The following KCNIP4 variants were observed in gnomAD, a reference collection of about 807,000 sequenced individuals.
KCNIP4 encodes the protein Kv channel-interacting protein 4.
KCNIP4 carries 12 observed loss-of-function variants against 34.0 expected under a neutral mutation model. The observed-to-expected ratio is 0.35, with a 90% confidence interval of 0.23 to 0.57. The LOEUF (loss-of-function observed/expected upper bound fraction) is 0.57. Ranked by LOEUF, KCNIP4 falls within the 20% of genes least tolerant of loss-of-function variation. KCNIP4 has a pLI of 0.83. For synonymous variants in KCNIP4, 124 were observed against 102.2 expected (o/e 1.21, Z -1.29); for missense variants, 238 against 311.7 (o/e 0.76, Z 1.78).
chr4:21,195,024 G>T (rs1438603749), intron 1 of KCNIP4, among the ~76,000 whole-genome samples: 1 of 152,164 alleles, frequency 6.6e-6, no homozygotes, highest in Admixed American at 6.5e-5. Context: ...CTCAAGTGTG[G>T]CTTCTCAAAG....
At chr4:21,322,649 A>T (rs925086167) in intron 1 of KCNIP4, among the ~76,000 whole-genome samples, 1 of 152,046 alleles carries the variant, frequency 6.6e-6, no homozygotes, top group Non-Finnish European at 1.5e-5. Flanking sequence ...ATAAATGGTG[A>T]CATGGTGAAA....
intron 1 of KCNIP4, among the ~76,000 whole-genome samples, chr4:21,505,664 G>C (rs894412227): frequency 6.6e-6 from 1 of 152,064 alleles, no homozygotes; most frequent in South Asian, 2.1e-4. Flanking sequence ...CTGACTTTCA[G>C]CACTCAAAAG....
At chr4:21,368,658 T>C (rs1720039045) in intron 1 of KCNIP4, among the ~76,000 whole-genome samples, 1 of 147,582 alleles carries the variant, frequency 6.8e-6, no homozygotes, top group East Asian at 2.0e-4. Context: ...AAGTTACTTA[T>C]CGTACCATAC....
At chr4:21,757,263 A>T (rs1436981220) in intron 1 of KCNIP4, among the ~76,000 whole-genome samples, 1 of 30,296 alleles carries the variant, frequency 3.3e-5, no homozygotes, top group South Asian at 4.6e-4. Context: ...AAAAGAAAAG[A>T]AAAGAAAAGA....
chr4:21,793,634 C>A (rs573250537), intron 1 of KCNIP4, among the ~76,000 whole-genome samples: 1 of 152,054 alleles, frequency 6.6e-6, no homozygotes, highest in Non-Finnish European at 1.5e-5. Context: ...AGACAGAGTT[C>A]AGAAAAGAAA....
chr4:21,907,258 C>T (rs574116293), intron 1 of KCNIP4, among the ~76,000 whole-genome samples: 5 of 152,044 alleles, frequency 3.3e-5, no homozygotes, highest in African/African-American at 4.8e-5. Context: ...GGACTAACTC[C>T]GTTACTGAAA....
intron 1 of KCNIP4, among the ~76,000 whole-genome samples, chr4:21,148,748 G>A (rs1577786846): frequency 6.7e-6 from 1 of 150,230 alleles, no homozygotes; most frequent in Admixed American, 6.6e-5. Context: ...ACAAATCACA[G>A]CAAATAACAA....
At chr4:20,936,917 T>G (rs1731128929) in intron 1 of KCNIP4, among the ~76,000 whole-genome samples, 1 of 152,170 alleles carries the variant, frequency 6.6e-6, no homozygotes, top group African/African-American at 2.4e-5. Flanking sequence ...CTGTGGCTAC[T>G]CTGGGCCCTC....
At chr4:20,770,945 T>TAAAC (rs1338381309) in intron 3 of KCNIP4, among the ~76,000 whole-genome samples, 1 of 151,030 alleles carries the variant, frequency 6.6e-6, no homozygotes, top group African/African-American at 2.4e-5. Flanking sequence ...AATAAATAAA[T>TAAAC]AAATAAACAA....
At chr4:21,339,102 A>C (rs1716474826) in intron 1 of KCNIP4, among the ~76,000 whole-genome samples, 3 of 152,164 alleles carry the variant, frequency 2.0e-5, no homozygotes, top group African/African-American at 7.2e-5. Context: ...ATTGCTCTTA[A>C]ATAGGCAAGT....
At chr4:21,910,694 C>A (rs1408485969) in intron 1 of KCNIP4, among the ~76,000 whole-genome samples, 2 of 152,212 alleles carry the variant, frequency 1.3e-5, no homozygotes, top group Non-Finnish European at 1.5e-5. Flanking sequence ...ACTCTCTAAT[C>A]TAGCTCACTC....
chr4:21,414,056 C>G (rs1053598864), intron 1 of KCNIP4, among the ~76,000 whole-genome samples: 17 of 152,038 alleles, frequency 1.1e-4, no homozygotes, highest in African/African-American at 4.1e-4. Flanking sequence ...ACGAAAAAAT[C>G]TTGGCCTTAC....
chr4:20,865,153 A>G (rs556981499), intron 2 of KCNIP4, among the ~76,000 whole-genome samples: 2 of 152,252 alleles, frequency 1.3e-5, no homozygotes, highest in East Asian at 3.9e-4. Context: ...TGAAGGACAT[A>G]GAAATAGGAC....
In KCNIP4 at chr4:21,089,451, C is replaced by T. The variant is rs78835012; in HGVS notation, c.62-206742G>A. On this transcript the variant is annotated intron_variant, in intron 1 of 8. Coordinates refer to ENST00000382152, the MANE Select transcript of KCNIP4 (RefSeq NM_025221.6). ...CTCTTTTATTTATAAATTATCCAGT[C>T]TCAGGTTGTTCTTTACAGCAATGTG... Among the ~76,000 whole-genome samples the T allele has an allele frequency of 6.5e-3, 987 of 152,254 alleles. 6 individuals are homozygous for T. The highest frequency in any genetic ancestry group is 0.021 in the African/African-American group (877 of 41,528).
Position 21,046,876 on chromosome 4 carries a change from A to G in KCNIP4, c.62-164167T>C, listed in dbSNP as rs547651673. 7.5e-4 allele frequency among the ~76,000 whole-genome samples: 115 copies of G among 152,334 alleles called. 1 individual carries two copies. Among genetic ancestry groups the G allele is most frequent in the African/African-American group, 2.6e-3 (108 of 41,574 alleles). The stretch of plus-strand genomic sequence containing the variant: ...CCAAAGTGCTGGGATTACAGGCGTC[A>G]GCCACCGCGCCTGGTCAGTTGCTAG... On this transcript the variant is annotated intron_variant, in intron 1 of 8. Transcript: ENST00000382152.
chr4:20,867,734 C>T (rs972901639), intron 2 of KCNIP4, among the ~76,000 whole-genome samples: 3 of 151,994 alleles, frequency 2.0e-5, no homozygotes, highest in South Asian at 2.1e-4. Flanking sequence ...ACTTGATCTT[C>T]GTGGATGAAG....
chr4:21,929,385 C>T (rs775063230), intron 1 of KCNIP4, among the ~76,000 whole-genome samples: 21 of 152,076 alleles, frequency 1.4e-4, no homozygotes, highest in Non-Finnish European at 2.4e-4. Flanking sequence ...CAGGAATCCC[C>T]AGGTATTTGT....
intron 1 of KCNIP4, among the ~76,000 whole-genome samples, chr4:21,223,996 T>G (rs1045753513): frequency 6.6e-6 from 1 of 152,090 alleles, no homozygotes; most frequent in African/African-American, 2.4e-5. Context: ...CTAGTCAACC[T>G]CACATTCTTT....
chr4:21,242,595 G>A (rs1023830167), intron 1 of KCNIP4, among the ~76,000 whole-genome samples: 6 of 152,156 alleles, frequency 3.9e-5, no homozygotes, highest in African/African-American at 1.4e-4. Flanking sequence ...AATCCATTGA[G>A]AGTCTGAATA....
Sources: gnomAD v4.1 joint callset for allele counts (sites outside exome capture counted in the v4.1 genomes callset) on GRCh38, gnomAD v4.1.1 for gene constraint, MANE v1.5 for transcripts, NCBI Gene and HGNC (gene_info 2026-07-23, HGNC 2026-07-21) for gene names.